Variants in BRINP2 observed in about 807,000 individuals in gnomAD.
The protein encoded by BRINP2 is BMP/retinoic acid inducible neural specific 2.
BRINP2 carries 21 observed loss-of-function variants against 69.2 expected under a neutral mutation model. The ratio of observed to expected loss-of-function variants is 0.30; its 90% confidence interval spans 0.22 to 0.44. The LOEUF (loss-of-function observed/expected upper bound fraction) is 0.44, where lower values mean the gene tolerates loss of function less well. BRINP2 is among the 20% of genes least tolerant of loss of function. BRINP2 has a pLI of 1.00. For missense variants in BRINP2, 877 were observed against 986.0 expected, an observed-to-expected ratio of 0.89 and a Z score of 1.48; for synonymous variants, 380 against 394.1, an observed-to-expected ratio of 0.96 and a Z score of 0.42.
chr1:177,252,836 G>A (rs1650626017), intron 2 of BRINP2, among the ~76,000 whole-genome samples: 1 of 152,020 alleles, frequency 6.6e-6, no homozygotes, highest in Admixed American at 6.6e-5. Context: ...GTCTTTCTAT[G>A]CCTGGCTTAT....
chr1:177,188,401 A>G (rs1648494154), intron 1 of BRINP2, among the ~76,000 whole-genome samples: 1 of 152,216 alleles, frequency 6.6e-6, no homozygotes, highest in African/African-American at 2.4e-5. Flanking sequence ...GAAAAAAAAC[A>G]TAATTAATGA....
intron 2 of BRINP2, among the ~76,000 whole-genome samples, chr1:177,246,958 C>T (rs1229772392): frequency 1.3e-5 from 2 of 152,272 alleles, no homozygotes; most frequent in Admixed American, 6.5e-5. Flanking sequence ...TATCCTTAAG[C>T]CCCTAAAATG....
At chr1:177,275,550 A>G (rs1004495670) in intron 5 of BRINP2, among the ~76,000 whole-genome samples, 2 of 152,168 alleles carry the variant, frequency 1.3e-5, no homozygotes, top group African/African-American at 4.8e-5. Flanking sequence ...TAGGACTTGG[A>G]TTTCCTTACC....
At chr1:177,250,898 C>T (rs923326677) in intron 2 of BRINP2, among the ~76,000 whole-genome samples, 3 of 152,148 alleles carry the variant, frequency 2.0e-5, no homozygotes, top group Non-Finnish European at 4.4e-5. Context: ...TTATTTGTAC[C>T]TCAATTTCAT....
intron 2 of BRINP2, among the ~76,000 whole-genome samples, chr1:177,250,259 A>C (rs1239470270): frequency 7.9e-5 from 12 of 151,950 alleles, no homozygotes; most frequent in Non-Finnish European, 2.9e-5. Context: ...ATGAAAATAG[A>C]TTTGGGTTTT....
Position 177,281,924 on chromosome 1 carries a change from A to C in BRINP2, c.*396A>C. On this transcript the variant is annotated 3_prime_UTR_variant, in exon 8 of 8. Coordinates refer to ENST00000361539, the MANE Select transcript of BRINP2 (RefSeq NM_021165.4). Reference sequence around the variant, plus strand: ...TTCAAGAAAGCAAGAGGGGACAACAATGGGAGGGGTCGGAGCTCTTCCTTC... The same window carrying C: ...TTCAAGAAAGCAAGAGGGGACAACACTGGGAGGGGTCGGAGCTCTTCCTTC... The C allele has an allele frequency of 1.9e-5, 3 of 162,072 alleles. No homozygotes were observed. The highest frequency in any genetic ancestry group is 4.0e-5 in the Non-Finnish European group (3 of 74,722). 10.0% of individuals were successfully genotyped at this position (162,072 alleles called of 1,614,324 possible).
intron 1 of BRINP2, among the ~76,000 whole-genome samples, chr1:177,198,502 A>G (rs1648810060): frequency 6.6e-6 from 1 of 152,222 alleles, no homozygotes; most frequent in South Asian, 2.1e-4. Context: ...ATTGGGCGAC[A>G]GTGCTGTATG....
chr1:177,185,105 A>G (rs1018457973), intron 1 of BRINP2, among the ~76,000 whole-genome samples: 27 of 152,120 alleles, frequency 1.8e-4, no homozygotes. Flanking sequence ...TTGGTAGAAT[A>G]TTAACGTCGC....
chr1:177,202,979 A>G (rs1259685975), intron 1 of BRINP2, among the ~76,000 whole-genome samples: 1 of 152,154 alleles, frequency 6.6e-6, no homozygotes, highest in Non-Finnish European at 1.5e-5. Context: ...ATTACTGGGT[A>G]TATACCCAAA....
At chr1:177,236,991 A>C (rs1311911822) in intron 2 of BRINP2, among the ~76,000 whole-genome samples, 3 of 152,202 alleles carry the variant, frequency 2.0e-5, no homozygotes, top group Non-Finnish European at 4.4e-5. Context: ...AAATGAAGTA[A>C]AAATCACTGC....
intron 1 of BRINP2, among the ~76,000 whole-genome samples, chr1:177,192,649 GGCTACACCTTAA>G (rs1459754370): frequency 2.6e-5 from 4 of 152,066 alleles, no homozygotes; most frequent in African/African-American, 7.2e-5. Flanking sequence ...AATGACCAAT[GGCTACACCTTAA>G]GCTTAATTTT....
chr1:177,215,035 A>C (rs1189423839), intron 1 of BRINP2, among the ~76,000 whole-genome samples: 1 of 152,170 alleles, frequency 6.6e-6, no homozygotes, highest in African/African-American at 2.4e-5. Context: ...GAGGCTTTGT[A>C]CACTTGGACT....
At chr1:177,203,228 CA>C (rs57037127) in intron 1 of BRINP2, among the ~76,000 whole-genome samples, 18,903 of 151,770 alleles carry the variant, frequency 0.12, 2,407 homozygotes, top group African/African-American at 0.32. Flanking sequence ...ATCGCAAGGA[CA>C]AAAAAACCAA....
intron 2 of BRINP2, among the ~76,000 whole-genome samples, chr1:177,244,948 C>A (rs1650327561): frequency 6.6e-6 from 1 of 152,132 alleles, no homozygotes; most frequent in Non-Finnish European, 1.5e-5. Context: ...AACCCAATAT[C>A]ACTGAGGGAA....
intron 7 of BRINP2, among the ~76,000 whole-genome samples, chr1:177,278,995 A>G (rs1408273571): frequency 6.6e-6 from 1 of 152,180 alleles, no homozygotes; most frequent in Non-Finnish European, 1.5e-5. Flanking sequence ...TGATTTTACT[A>G]TTATCTAAAT....
intron 1 of BRINP2, among the ~76,000 whole-genome samples, chr1:177,203,567 A>C (rs1648984039): frequency 1.3e-5 from 2 of 152,136 alleles, no homozygotes; most frequent in South Asian, 4.1e-4. Context: ...ATGAAAATAA[A>C]AATTTAAAAA....
intron 1 of BRINP2, among the ~76,000 whole-genome samples, chr1:177,184,908 A>C (rs1648384809): frequency 6.6e-6 from 1 of 152,158 alleles, no homozygotes; most frequent in Non-Finnish European, 1.5e-5. Context: ...GTGGTTCTCA[A>C]AATGCAATGT....
At chr1:177,230,490 T>G (rs986443851) in intron 2 of BRINP2, among the ~76,000 whole-genome samples, 2 of 152,200 alleles carry the variant, frequency 1.3e-5, no homozygotes, top group African/African-American at 4.8e-5. Flanking sequence ...AGTCAAATGC[T>G]GGGGCCAGGT....
intron 1 of BRINP2, among the ~76,000 whole-genome samples, chr1:177,193,973 A>G (rs2102298592): frequency 6.6e-6 from 1 of 152,366 alleles, no homozygotes; most frequent in Middle Eastern, 3.4e-3. Context: ...AAAATTGACA[A>G]GTAGAATTGG....
Sources: gnomAD v4.1 joint callset for allele counts (sites outside exome capture counted in the v4.1 genomes callset) on GRCh38, gnomAD v4.1.1 for gene constraint, MANE v1.5 for transcripts, NCBI Gene and HGNC (gene_info 2026-07-23, HGNC 2026-07-21) for gene names.